The following PTPRN2 variants were observed in gnomAD, a reference collection of about 807,000 sequenced individuals.
PTPRN2 encodes receptor-type tyrosine-protein phosphatase N2.
PTPRN2 carries 74 observed loss-of-function variants against 118.8 expected under a neutral mutation model. That is an observed-to-expected ratio of 0.62 (90% confidence interval 0.52 to 0.76). PTPRN2 has a LOEUF of 0.76. Among genes scored for constraint, PTPRN2 ranks in the 30% least tolerant of loss-of-function variants. The pLI is 0.00. For missense variants in PTPRN2, 1,481 were observed against 1,394.4 expected (o/e 1.06, Z -0.99); for synonymous variants, 641 against 608.0 (o/e 1.05, Z -0.80).
At chr7:157,910,383 G>A (rs1241802344) in intron 11 of PTPRN2, among the ~76,000 whole-genome samples, 1 of 141,834 alleles carries the variant, frequency 7.1e-6, no homozygotes, top group African/African-American at 2.7e-5. Flanking sequence ...GATCACGCAC[G>A]TACGCCGTGG....
intron 9 of PTPRN2, among the ~76,000 whole-genome samples, chr7:158,128,665 C>G (rs1817898920): frequency 1.3e-5 from 2 of 152,280 alleles, no homozygotes; most frequent in Middle Eastern, 3.4e-3. Context: ...AGCAATGGCA[C>G]AGGATTGTCG....
intron 3 of PTPRN2, among the ~76,000 whole-genome samples, chr7:158,266,354 C>T (rs1172938567): frequency 2.6e-4 from 26 of 101,018 alleles, no homozygotes; most frequent in African/African-American, 9.7e-4. Context: ...AGGCTGGGGA[C>T]GGCGTCTGCT....
In PTPRN2 at chr7:157,655,649, G is replaced by A. The variant is rs73516819; in HGVS notation, c.2196+708C>T. ...ACCCCAGAGGCTCCGTCTCCAGTGC[G>A]GGAAACAGCACAGCCAGGCACGGTC... On this transcript the variant is annotated intron_variant, in intron 14 of 22. Transcript: ENST00000389418. Among the ~76,000 whole-genome samples the A allele has an allele frequency of 1.0e-2, 1,519 of 152,254 alleles. 24 individuals are homozygous for A. The highest frequency in any genetic ancestry group is 0.035 in the African/African-American group (1,462 of 41,544).
chr7:158,463,683 CCAT>C (rs1409634196), intron 2 of PTPRN2, among the ~76,000 whole-genome samples: 4 of 152,074 alleles, frequency 2.6e-5, no homozygotes, highest in Non-Finnish European at 4.4e-5. Context: ...ACTATCTTCA[CCAT>C]CATCATCACC....
At chr7:158,238,463 CT>C (rs1328498981) in intron 3 of PTPRN2, among the ~76,000 whole-genome samples, 1 of 151,870 alleles carries the variant, frequency 6.6e-6, no homozygotes, top group Non-Finnish European at 1.5e-5. Flanking sequence ...CATCAGAAAC[CT>C]TTCTTCCGCC....
At chr7:158,239,182 T>C (rs1795754171) in intron 3 of PTPRN2, among the ~76,000 whole-genome samples, 1 of 152,170 alleles carries the variant, frequency 6.6e-6, no homozygotes, top group Non-Finnish European at 1.5e-5. Context: ...CCTCTGCGCC[T>C]TTTCCAAACA....
At chr7:157,547,813 C>G (rs112515887) in intron 22 of PTPRN2, among the ~76,000 whole-genome samples, 105 of 152,306 alleles carry the variant, frequency 6.9e-4, no homozygotes, top group African/African-American at 2.4e-3. Flanking sequence ...AGACAAGAGA[C>G]GTTCCACAAA....
intron 12 of PTPRN2, among the ~76,000 whole-genome samples, chr7:157,783,970 G>A (rs1048762631): frequency 7.2e-5 from 11 of 152,150 alleles, no homozygotes; most frequent in East Asian, 1.9e-4. Flanking sequence ...CAAGCAGAGC[G>A]CAGCTGCTGT....
intron 11 of PTPRN2, among the ~76,000 whole-genome samples, chr7:157,948,792 T>C (rs988313101): frequency 6.6e-6 from 1 of 152,210 alleles, no homozygotes; most frequent in African/African-American, 2.4e-5. Flanking sequence ...CCCATTGAAG[T>C]ATTTTGGATT....
At chr7:157,734,901 G>A (rs181315951) in intron 12 of PTPRN2, among the ~76,000 whole-genome samples, 1 of 152,334 alleles carries the variant, frequency 6.6e-6, no homozygotes, top group Admixed American at 6.5e-5. Flanking sequence ...TATTGATGTC[G>A]ACGTGGGAGG....
chr7:157,590,492 A>T lies in PTPRN2; in HGVS notation c.2496+4746T>A, dbSNP rs572670166. Among the ~76,000 whole-genome samples, 2 of 152,368 alleles carry T rather than the reference A, an allele frequency of 1.3e-5. No individual in the cohort carries two copies. The highest frequency in any genetic ancestry group is 2.9e-5 in the Non-Finnish European group (2 of 68,028). ...TTCTTGATGTAAGTCAAATTTTGGA[A>T]ATCAAATTCTTGAAATGCATCCAGT... On this transcript the variant is annotated intron_variant, in intron 17 of 22. Transcript: ENST00000389418. This position sits in a 1 kb window ranked among gnomAD's most constrained non-coding sequence, Gnocchi z 4.0.
At chr7:158,241,860 G>A (rs1211223977) in intron 3 of PTPRN2, among the ~76,000 whole-genome samples, 1 of 152,164 alleles carries the variant, frequency 6.6e-6, no homozygotes, top group Non-Finnish European at 1.5e-5. Flanking sequence ...TGGCTCGAAT[G>A]TTCCCACAAA....
In PTPRN2 at chr7:158,408,448, G is replaced by A. The variant is rs140889210; in HGVS notation, c.163+81287C>T. ...GAAGAAGAGGAAGAAGAAGAAAACC[G>A]TCACCACTGTGTATCAGCCCGGAGG... On this transcript the variant is annotated intron_variant, in intron 2 of 22. Transcript: ENST00000389418. 1.4e-3 allele frequency among the ~76,000 whole-genome samples: 210 copies of A among 152,270 alleles called. 1 individual carries two copies. The highest frequency in any genetic ancestry group is 5.8e-3 in the South Asian group (28 of 4,814).
At chr7:158,104,836 C>G (rs1197088218) in intron 10 of PTPRN2, among the ~76,000 whole-genome samples, 2 of 150,350 alleles carry the variant, frequency 1.3e-5, no homozygotes, top group African/African-American at 4.9e-5. Flanking sequence ...AACTCCATCC[C>G]AGCTCCACCC....
chr7:157,589,978 T>G (rs1290969026), intron 17 of PTPRN2, among the ~76,000 whole-genome samples: 1 of 152,240 alleles, frequency 6.6e-6, no homozygotes, highest in Non-Finnish European at 1.5e-5. Context: ...CCCGGCTGTT[T>G]CCACCAAACT....
chr7:158,207,538 G>A (rs1457886486), intron 3 of PTPRN2, among the ~76,000 whole-genome samples: 6 of 152,074 alleles, frequency 3.9e-5, no homozygotes, highest in African/African-American at 7.2e-5. Flanking sequence ...GAAAATTTTC[G>A]CAACCTACTC....
intron 12 of PTPRN2, among the ~76,000 whole-genome samples, chr7:157,875,416 G>A (rs1034639850): frequency 6.6e-6 from 1 of 152,172 alleles, no homozygotes; most frequent in African/African-American, 2.4e-5. Flanking sequence ...ACCTTGCTCC[G>A]GGTCACACGT....
At chr7:158,225,915 G>T (rs114730739) in intron 3 of PTPRN2, among the ~76,000 whole-genome samples, 4 of 133,688 alleles carry the variant, frequency 3.0e-5, no homozygotes, top group East Asian at 2.5e-4. Context: ...AGGAACAGAG[G>T]GAGGGGAGTT....
intron 1 of PTPRN2, among the ~76,000 whole-genome samples, chr7:158,542,980 A>G (rs1386043480): frequency 6.6e-6 from 1 of 152,152 alleles, no homozygotes; most frequent in African/African-American, 2.4e-5. Flanking sequence ...TCCTCACCGC[A>G]CCCCAAAGAC....
Sources: gnomAD v4.1 joint callset for allele counts (sites outside exome capture counted in the v4.1 genomes callset) on GRCh38, gnomAD v4.1.1 for gene constraint, Gnocchi (gnomAD v3.1) non-coding constraint, MANE v1.5 for transcripts, NCBI Gene and HGNC (gene_info 2026-07-23, HGNC 2026-07-21) for gene names.